The following PKD1L3 variants were observed in gnomAD, a reference collection of about 807,000 sequenced individuals.
PKD1L3 encodes the protein polycystin-1-like protein 3.
PKD1L3 carries 239 observed loss-of-function variants against 184.1 expected under a neutral mutation model. The ratio of observed to expected loss-of-function variants is 1.30; its 90% CI spans 1.17 to 1.45. The LOEUF (loss-of-function observed/expected upper bound fraction) is 1.45, where lower values mean the gene tolerates loss of function less well. Among genes scored for constraint, PKD1L3 ranks in the 40% most tolerant of loss-of-function variants. The probability of loss-of-function intolerance (pLI) is 0.00; values close to 1 mark genes in which losing one functional copy is unlikely to be tolerated. For missense variants in PKD1L3, 2,660 were observed against 2,067.2 expected (o/e 1.29, Z -5.56); for synonymous variants, 996 against 778.8 (o/e 1.28, Z -4.64).
At chr16:71,996,045 T>C (rs2040771486) in intron 2 of PKD1L3, among the ~76,000 whole-genome samples, 1 of 152,176 alleles carries the variant, frequency 6.6e-6, no homozygotes. Context: ...AGTGCATTTT[T>C]CTTTTTTTTA....
At chr16:71,948,230 TCA>T (rs1597301322) in intron 21 of PKD1L3, among the ~76,000 whole-genome samples, 2 of 152,166 alleles carry the variant, frequency 1.3e-5, no homozygotes, top group East Asian at 3.9e-4. Flanking sequence ...TTACAGGCAC[TCA>T]CCACTATACC....
intron 28 of PKD1L3, chr16:71,931,102 T>A (rs1432017799): frequency 6.6e-5 from 10 of 152,238 alleles, no homozygotes; most frequent in Non-Finnish European, 1.2e-4. Context: ...ATTTGTTTTT[T>A]AATGTTTTTT....
chr16:71,941,253 C>T (rs2038350960), intron 24 of PKD1L3, among the ~76,000 whole-genome samples: 1 of 151,414 alleles, frequency 6.6e-6, no homozygotes, highest in African/African-American at 2.4e-5. Context: ...GGAAAAAAAC[C>T]ACCATAATAT....
intron 2 of PKD1L3, among the ~76,000 whole-genome samples, chr16:71,995,199 T>C (rs994041129): frequency 2.0e-5 from 3 of 152,056 alleles, no homozygotes. Context: ...AGAGAAGCCC[T>C]CCCTCTGCCA....
chr16:71,974,656 C>T (rs1435460676), intron 11 of PKD1L3, among the ~76,000 whole-genome samples: 1 of 152,138 alleles, frequency 6.6e-6, no homozygotes, highest in Non-Finnish European at 1.5e-5. Context: ...TGCGCTCCAC[C>T]CTGGGCGACA....
At chr16:71,944,871 G>C (rs1299249368) in intron 22 of PKD1L3, among the ~76,000 whole-genome samples, 1 of 151,250 alleles carries the variant, frequency 6.6e-6, no homozygotes, top group Non-Finnish European at 1.5e-5. Flanking sequence ...GCTAATTTTT[G>C]TATTTTCAGT....
intron 22 of PKD1L3, among the ~76,000 whole-genome samples, chr16:71,944,960 A>T (rs1167212642): frequency 1.3e-5 from 2 of 150,848 alleles, no homozygotes; most frequent in African/African-American, 4.9e-5. Context: ...CCTGTCTCTT[A>T]AAAAAAAATT....
At chr16:71,962,311 TAAG>T (rs2039311972) in intron 16 of PKD1L3, among the ~76,000 whole-genome samples, 2 of 152,054 alleles carry the variant, frequency 1.3e-5, no homozygotes, top group African/African-American at 4.8e-5. Flanking sequence ...AAGCTGAAGG[TAAG>T]AAGGAGGTCA....
chr16:71,937,977 G>A (rs758698085), intron 24 of PKD1L3, among the ~76,000 whole-genome samples: 13 of 152,208 alleles, frequency 8.5e-5, no homozygotes, highest in Non-Finnish European at 1.3e-4. Flanking sequence ...GCAGTGGGAG[G>A]CATGGCCGGG....
rs2038212718 is a variant in PKD1L3 at position 71,937,285 on chromosome 16, G to A, written c.4452+7C>T. The A allele has an allele frequency of 6.5e-7, 1 of 1,549,152 alleles. No homozygotes were observed. Among genetic ancestry groups the A allele is most frequent in the African/African-American group, 1.4e-5 (1 of 72,908 alleles). Reference sequence around the variant, plus strand: ...GCCCAGGCTGACATCTAACATTATTGACTCACCTGTATGAAGGCATAGTAA... The same window carrying A: ...GCCCAGGCTGACATCTAACATTATTAACTCACCTGTATGAAGGCATAGTAA... On this transcript the variant is annotated splice_region_variant and intron_variant, in intron 25 of 29. Coordinates refer to ENST00000620267, the MANE Select transcript of PKD1L3 (RefSeq NM_181536.2).
chr16:71,982,639 C>G (rs1368997005), intron 6 of PKD1L3, among the ~76,000 whole-genome samples: 2 of 151,874 alleles, frequency 1.3e-5, no homozygotes, highest in African/African-American at 2.4e-5. Flanking sequence ...CTCTGTTGCC[C>G]CGTCTGGAGT....
intron 2 of PKD1L3, among the ~76,000 whole-genome samples, chr16:71,996,405 TG>T (rs2040786474): frequency 6.6e-6 from 1 of 151,760 alleles, no homozygotes; most frequent in Non-Finnish European, 1.5e-5. Flanking sequence ...GGACTACAGG[TG>T]CACACCACCA....
At chr16:71,986,506 C>T (rs981767312) in intron 4 of PKD1L3, 37 bp from the exon 5 acceptor site, 4 of 1,523,048 alleles carry the variant, frequency 2.6e-6, no homozygotes, top group Non-Finnish European at 3.5e-6. Flanking sequence ...AAGACTGAAT[C>T]TGATTTTACC....
At chr16:71,947,643 G>A (rs1420952674) in intron 21 of PKD1L3, 52 bp from the exon 22 acceptor site, 1 of 1,225,924 alleles carries the variant, frequency 8.2e-7, no homozygotes, top group Admixed American at 2.1e-5. Flanking sequence ...GACCCAGGAA[G>A]ATAATACCGT....
At chr16:71,934,364 AG>A (rs2038100886) in intron 26 of PKD1L3, among the ~76,000 whole-genome samples, 1 of 152,156 alleles carries the variant, frequency 6.6e-6, no homozygotes, top group African/African-American at 2.4e-5. Context: ...GTGCCGAAGA[AG>A]CCTTAAAATG....
In PKD1L3 at chr16:71,944,138, C is replaced by T; in HGVS notation, c.3751G>A (p.Asp1251Asn). 6.4e-7 allele frequency: 1 copy of T among 1,551,062 alleles called. No homozygotes were observed. The highest frequency in any genetic ancestry group is 8.7e-7 in the Non-Finnish European group (1 of 1,146,446). Residue 1251 changes from aspartate to asparagine, a missense_variant, in exon 23 of 30, where the codon GAT becomes AAT. Transcript: ENST00000620267. ...KCSSSVPGSR[D>N]KNNPVYVAPA... ...GCTACATAGACGGGGTTGTTCTTAT[C>T]TCTTGAACCTGGTACTGACGAAGAA...
chr16:71,977,430 G>C lies in PKD1L3; in HGVS notation c.1565C>G (p.Pro522Arg), dbSNP rs1337191772. The change falls in exon 11 of 30, where the codon CCC (proline) becomes CGC (arginine). Residue 522 changes from proline to arginine, a missense_variant. By Grantham distance (103) the Pro-to-Arg change is moderately radical. Transcript: ENST00000620267. ...LWRNVSLETH[P>R]TSLNMSTHQL... ...ATGTGTGCTCATGTTGAGGCTGGTGGGATGGGTTTCCAAGCTAACATTTCT... is the reference window on the plus strand; with the variant it reads ...ATGTGTGCTCATGTTGAGGCTGGTGCGATGGGTTTCCAAGCTAACATTTCT... 1 of 1,551,352 alleles carries C rather than the reference G, an allele frequency of 6.4e-7. No homozygotes were observed. The highest frequency in any genetic ancestry group is 1.4e-5 in the African/African-American group (1 of 73,002).
chr16:71,971,851 C>T (rs532109731), intron 12 of PKD1L3, among the ~76,000 whole-genome samples: 38 of 152,232 alleles, frequency 2.5e-4, no homozygotes, highest in Non-Finnish European at 4.9e-4. Context: ...GAGGCCAAGG[C>T]GGGCAGATCA....
intron 16 of PKD1L3, among the ~76,000 whole-genome samples, chr16:71,961,699 T>C (rs2039287688): frequency 6.6e-6 from 1 of 152,058 alleles, no homozygotes; most frequent in South Asian, 2.1e-4. Flanking sequence ...CCAGCCAGGA[T>C]GAAAGATCCC....
Sources: gnomAD v4.1 joint callset for allele counts (sites outside exome capture counted in the v4.1 genomes callset) on GRCh38, gnomAD v4.1.1 for gene constraint, MANE v1.5 for transcripts, NCBI Gene and HGNC (gene_info 2026-07-23, HGNC 2026-07-21) for gene names.